Variants in SATB1 observed in about 807,000 individuals in gnomAD.
SATB1 encodes DNA-binding protein SATB1.
SATB1 carries 11 observed loss-of-function variants against 86.9 expected under a neutral mutation model. The ratio of observed to expected loss-of-function variants is 0.13; its 90% CI spans 0.08 to 0.21. SATB1 has a LOEUF of 0.21. Among genes scored for constraint, SATB1 ranks in the 10% least tolerant of loss-of-function variants. The probability of loss-of-function intolerance (pLI) is 1.00; values close to 1 mark genes in which losing one functional copy is unlikely to be tolerated. For synonymous variants in SATB1, 357 were observed against 357.2 expected (o/e 1.00, Z 0.01); for missense variants, 551 against 937.6 (o/e 0.59, Z 5.39).
At chr3:18,443,531 C>A (rs146851423), upstream of SATB1, among the ~76,000 whole-genome samples, 6 of 152,204 alleles carry the variant, frequency 3.9e-5, no homozygotes, top group African/African-American at 1.4e-4. This position sits in a 1 kb window ranked among gnomAD's most constrained non-coding sequence, Gnocchi z 4.4. Context: ...ATTTGCAACA[C>A]CTCAGTGGAG....
intron 1 of SATB1, among the ~76,000 whole-genome samples, chr3:18,437,186 A>G (rs182495786): frequency 3.1e-4 from 47 of 152,320 alleles, no homozygotes; most frequent in African/African-American, 1.1e-3. Context: ...AATCAATTAA[A>G]TAAGCTTTTA....
chr3:18,351,354 CT>C (rs1184076131), intron 10 of SATB1: 1 of 1,555,398 alleles, frequency 6.4e-7, no homozygotes. Flanking sequence ...GTCGGCAGGC[CT>C]GGTAAGAAAA....
intron 9 of SATB1, among the ~76,000 whole-genome samples, chr3:18,357,595 C>T (rs550791369): frequency 1.5e-5 from 2 of 137,746 alleles, no homozygotes; most frequent in African/African-American, 2.7e-5. Context: ...AGGGTAATTT[C>T]ATATCAGTGT....
chr3:18,351,205 A>G, intron 10 of SATB1: 1 of 862,212 alleles, frequency 1.2e-6, no homozygotes. Context: ...GCCCAAGACC[A>G]TGGTTAGTAG....
chr3:18,356,076 T>C (rs1351539842), intron 9 of SATB1, among the ~76,000 whole-genome samples: 1 of 151,926 alleles, frequency 6.6e-6, no homozygotes, highest in Non-Finnish European at 1.5e-5. Flanking sequence ...TCAATCACAG[T>C]GCTCCCCCTA....
chr3:18,361,361 C>A (rs1200935014), intron 9 of SATB1, among the ~76,000 whole-genome samples: 1 of 151,966 alleles, frequency 6.6e-6, no homozygotes, highest in Non-Finnish European at 1.5e-5. Flanking sequence ...ATGAAAAGGG[C>A]TTGGCACACA....
upstream of SATB1, among the ~76,000 whole-genome samples, chr3:18,439,849 A>AT (rs548836019): frequency 1.3e-3 from 203 of 152,286 alleles, no homozygotes; most frequent in African/African-American, 4.6e-3. Context: ...AAAAGAAAGG[A>AT]TTTTTATCAT....
chr3:18,359,878 C>T (rs1468632627), intron 9 of SATB1, among the ~76,000 whole-genome samples: 3 of 151,800 alleles, frequency 2.0e-5, no homozygotes, highest in African/African-American at 7.3e-5. Flanking sequence ...GTGTCTCTTT[C>T]TATCATTAAG....
At chr3:18,403,055 T>C (rs1207090561) in intron 5 of SATB1, among the ~76,000 whole-genome samples, 1 of 152,088 alleles carries the variant, frequency 6.6e-6, no homozygotes, top group Non-Finnish European at 1.5e-5. Context: ...TTTTTGATAG[T>C]TATAAATATT....
At chr3:18,377,782 G>A (rs989708508) in intron 9 of SATB1, among the ~76,000 whole-genome samples, 1 of 152,052 alleles carries the variant, frequency 6.6e-6, no homozygotes, top group African/African-American at 2.4e-5. Flanking sequence ...AGAAGAAACT[G>A]TATAAAGTTT....
intron 9 of SATB1, among the ~76,000 whole-genome samples, chr3:18,366,385 G>A (rs1171427777): frequency 1.3e-5 from 2 of 151,460 alleles, no homozygotes; most frequent in East Asian, 3.9e-4. Flanking sequence ...ACATTGCCCT[G>A]CTTTCCCGTT....
intron 6 of SATB1, among the ~76,000 whole-genome samples, chr3:18,395,320 A>G (rs759619880): frequency 2.5e-4 from 38 of 152,212 alleles, no homozygotes; most frequent in Non-Finnish European, 4.6e-4. Context: ...CTGAGAAAAT[A>G]AGCTTATAAT....
At chr3:18,445,078 G>A (rs1241691174) in intron 1 of SATB1, 1 of 392,642 alleles carries the variant, frequency 2.5e-6, no homozygotes, top group East Asian at 1.7e-4. Context: ...ATCCAGACGT[G>A]GCGCTTCGGA....
upstream of SATB1, among the ~76,000 whole-genome samples, chr3:18,426,526 T>C (rs939483067): frequency 4.6e-5 from 7 of 152,222 alleles, no homozygotes; most frequent in African/African-American, 1.7e-4. This position sits in a 1 kb window ranked among gnomAD's most constrained non-coding sequence, Gnocchi z 4.2. Flanking sequence ...CACATAAGTA[T>C]GATCCTATTA....
chr3:18,380,437 A>T lies in SATB1; in HGVS notation c.1420-2112T>A, dbSNP rs532797984. Among the ~76,000 whole-genome samples, 36 of 148,956 alleles carry T rather than the reference A, an allele frequency of 2.4e-4. No individual in the cohort carries two copies. In the South Asian group the frequency reaches 3.8e-3, roughly 16 times the overall value. On this transcript the variant is annotated intron_variant, in intron 8 of 10. Coordinates refer to ENST00000338745, the MANE Select transcript of SATB1 (RefSeq NM_002971.6). ...TTGTTTCTAAAAACTTCTTTGGTTA[A>T]TTTTTTTTTTTATTTTAAAGCAATT...
At position 18,416,957 on chromosome 3, in the gene SATB1, G is replaced by A. The variant is rs761869777; in HGVS notation, c.333C>T (p.Ile111=). The A allele has an allele frequency of 4.3e-6, 7 of 1,613,560 alleles. No homozygotes were observed. Among genetic ancestry groups the A allele is most frequent in the Admixed American group, 3.3e-5 (2 of 59,962 alleles). The part of the protein sequence containing the change: ...VRKDMLFNQL[I]EMALLSLGYS... Reference sequence around the variant, plus strand: ...AACCTAGAGACAGCAATGCCATTTCGATCAGCTGGTTGAAAAGCATATCCT... The same window carrying A: ...AACCTAGAGACAGCAATGCCATTTCAATCAGCTGGTTGAAAAGCATATCCT... The change falls in exon 3 of 11, where the codon ATC becomes ATT. Residue 111 remains isoleucine, a synonymous_variant. Coordinates refer to ENST00000338745, the MANE Select transcript of SATB1 (RefSeq NM_002971.6).
At chr3:18,376,718 T>A (rs892662295) in intron 9 of SATB1, among the ~76,000 whole-genome samples, 2 of 152,122 alleles carry the variant, frequency 1.3e-5, no homozygotes, top group Admixed American at 6.6e-5. Flanking sequence ...AGCCCTGTAA[T>A]TTCCAATCAA....
intron 5 of SATB1, among the ~76,000 whole-genome samples, chr3:18,406,082 T>G (rs1013204191): frequency 6.6e-6 from 1 of 152,010 alleles, no homozygotes; most frequent in Non-Finnish European, 1.5e-5. Flanking sequence ...TCACTAAACA[T>G]GTGTTTTCCA....
At position 18,386,304 on chromosome 3, in the gene SATB1, T is replaced by C; in HGVS notation, c.1419+95A>G. The C allele has an allele frequency of 1.1e-6, 1 of 937,896 alleles. No individual in the cohort carries two copies. The highest frequency in any genetic ancestry group is 1.7e-6 in the Non-Finnish European group (1 of 605,080). 58.1% of individuals were successfully genotyped at this position (937,896 alleles called of 1,614,324 possible). A position where few individuals can be genotyped will look rare whatever the true frequency, so the allele number is the denominator to read the frequency against. Reference sequence around the variant, plus strand: ...ATACGAATTTAAAAACATATAAATCTATGTATCTATCTATCTAATTTCTTA... The same window carrying C: ...ATACGAATTTAAAAACATATAAATCCATGTATCTATCTATCTAATTTCTTA... On this transcript the variant is annotated intron_variant, in intron 8 of 10. Coordinates refer to ENST00000338745, the MANE Select transcript of SATB1 (RefSeq NM_002971.6). The surrounding 1 kb of genome is among the most constrained non-coding windows in gnomAD (Gnocchi z 4.5).
Sources: allele counts gnomAD v4.1 joint callset (sites outside exome capture counted in the v4.1 genomes callset), GRCh38; gene constraint gnomAD v4.1.1; non-coding constraint Gnocchi (gnomAD v3.1); transcripts MANE v1.5; gene names NCBI Gene and HGNC (gene_info 2026-07-23, HGNC 2026-07-21).